Variants in FSTL5 observed in about 807,000 individuals in gnomAD.
FSTL5 encodes the protein follistatin like 5, also known as follistatin-related protein 5.
A neutral mutation model predicts 89.1 loss-of-function variants in FSTL5; 62 were observed. That is an observed-to-expected ratio of 0.70 (90% CI 0.57 to 0.86). The LOEUF is 0.86. Ranked by LOEUF, FSTL5 falls within the 40% of genes least tolerant of loss-of-function variation. The probability of loss-of-function intolerance (pLI) is 0.00; values close to 1 mark genes in which losing one functional copy is unlikely to be tolerated. For synonymous variants in FSTL5, 383 were observed against 346.2 expected, an observed-to-expected ratio of 1.11 and a Z score of -1.18; for missense variants, 1,057 against 1,001.6, an observed-to-expected ratio of 1.06 and a Z score of -0.75.
chr4:161,840,273 T>C (rs992625063), intron 4 of FSTL5, among the ~76,000 whole-genome samples: 8 of 152,046 alleles, frequency 5.3e-5, no homozygotes, highest in African/African-American at 1.7e-4. Flanking sequence ...AGGGTGAAGA[T>C]AAAAGTGGAA....
intron 10 of FSTL5, among the ~76,000 whole-genome samples, chr4:161,524,256 C>T (rs1024902401): frequency 6.6e-6 from 1 of 152,074 alleles, no homozygotes; most frequent in African/African-American, 2.4e-5. Context: ...TGGAAGCCCA[C>T]CCCGCCCACC....
intron 5 of FSTL5, among the ~76,000 whole-genome samples, chr4:161,766,898 TGATAGATCGATTGATAGATAGATAGATA>T (rs1159669874): frequency 3.2e-5 from 4 of 123,390 alleles, no homozygotes; most frequent in African/African-American, 1.4e-4. Flanking sequence ...AGACAATAGA[TGATAGATCGATTGATAGATAGATAGATA>T]GATAGATAGA....
intron 3 of FSTL5, among the ~76,000 whole-genome samples, chr4:161,937,380 A>T (rs912730283): frequency 1.2e-4 from 18 of 152,162 alleles, no homozygotes; most frequent in Admixed American, 2.6e-4. Flanking sequence ...AATTATTAAA[A>T]TATTTCCCAG....
chr4:161,533,168 GAA>G (rs377735914), intron 10 of FSTL5, among the ~76,000 whole-genome samples: 22 of 127,696 alleles, frequency 1.7e-4, no homozygotes, highest in Non-Finnish European at 2.1e-4. Flanking sequence ...TTAGAACTAG[GAA>G]AAAAAAAAAA....
intron 3 of FSTL5, among the ~76,000 whole-genome samples, chr4:162,002,350 T>C (rs1410355984): frequency 6.6e-6 from 1 of 152,180 alleles, no homozygotes; most frequent in Non-Finnish European, 1.5e-5. Flanking sequence ...GGTCTCTGAT[T>C]AACCTTGCTT....
chr4:161,446,429 C>A (rs1047285373), intron 15 of FSTL5, among the ~76,000 whole-genome samples: 1 of 151,940 alleles, frequency 6.6e-6, no homozygotes, highest in Non-Finnish European at 1.5e-5. Context: ...AAGTTATATA[C>A]TCCTGTATTT....
chr4:161,552,710 T>C (rs1479006719), intron 8 of FSTL5: 1 of 151,754 alleles, frequency 6.6e-6, no homozygotes, highest in Non-Finnish European at 1.5e-5. Context: ...AGTTTATTGG[T>C]GTTAAATGAT....
chr4:161,505,532 C>T (rs756782303), intron 11 of FSTL5, among the ~76,000 whole-genome samples: 1 of 152,096 alleles, frequency 6.6e-6, no homozygotes, highest in Non-Finnish European at 1.5e-5. Flanking sequence ...ATACAATCTC[C>T]TTAACTTCCA....
intron 3 of FSTL5, among the ~76,000 whole-genome samples, chr4:161,966,871 T>C (rs1324118501): frequency 6.6e-6 from 1 of 152,036 alleles, no homozygotes; most frequent in African/African-American, 2.4e-5. Context: ...ATGATTCTAC[T>C]TGGGTATATC....
At chr4:161,959,979 T>C (rs1364102234) in intron 3 of FSTL5, among the ~76,000 whole-genome samples, 2 of 152,074 alleles carry the variant, frequency 1.3e-5, no homozygotes, top group Admixed American at 1.3e-4. Context: ...GACCTCAAAC[T>C]AAAATCATGT....
chr4:161,448,692 C>T (rs532262930), intron 15 of FSTL5, among the ~76,000 whole-genome samples: 16 of 152,150 alleles, frequency 1.1e-4, no homozygotes, highest in Non-Finnish European at 1.6e-4. Flanking sequence ...TGTAGTAGAG[C>T]CATAGCCATT....
At chr4:161,576,597 C>T (rs567717665) in intron 8 of FSTL5, among the ~76,000 whole-genome samples, 14 of 152,224 alleles carry the variant, frequency 9.2e-5, no homozygotes, top group African/African-American at 3.4e-4. Flanking sequence ...ATAAATGGTG[C>T]TGGGAAAACT....
At chr4:161,860,133 A>C (rs1044908749) in intron 4 of FSTL5, among the ~76,000 whole-genome samples, 1 of 152,044 alleles carries the variant, frequency 6.6e-6, no homozygotes, top group African/African-American at 2.4e-5. Context: ...CTAAAAATAC[A>C]AAAAATTAGC....
At position 162,014,857 on chromosome 4, in the gene FSTL5, T is replaced by A. The variant is rs576939603; in HGVS notation, c.160+18768A>T. Among the ~76,000 whole-genome samples, 6 of 152,282 alleles carry A rather than the reference T, an allele frequency of 3.9e-5. No homozygotes were observed. In the South Asian group the frequency reaches 1.2e-3, roughly 32 times the overall value. On this transcript the variant is annotated intron_variant, in intron 3 of 15. Coordinates refer to ENST00000306100, the MANE Select transcript of FSTL5 (RefSeq NM_020116.5). ...ACTTTATAAACACGTTAGTAATGGCTTTTCTTAAAAAAAGAAGAAGGAAAG... is the reference window on the plus strand; with the variant it reads ...ACTTTATAAACACGTTAGTAATGGCATTTCTTAAAAAAAGAAGAAGGAAAG...
chr4:161,450,741 ATT>A (rs70937651), intron 15 of FSTL5, among the ~76,000 whole-genome samples: 35 of 131,552 alleles, frequency 2.7e-4, no homozygotes, highest in Middle Eastern at 4.1e-3. Context: ...ATTCATCTTC[ATT>A]TTTTTTTTTT....
intron 2 of FSTL5, among the ~76,000 whole-genome samples, chr4:162,071,459 A>G (rs2111310110): frequency 6.6e-6 from 1 of 151,898 alleles, no homozygotes; most frequent in Non-Finnish European, 1.5e-5. Context: ...TTTCAAATAT[A>G]TATGCACTCA....
intron 7 of FSTL5, among the ~76,000 whole-genome samples, chr4:161,650,060 A>G (rs1366079168): frequency 1.3e-5 from 2 of 152,232 alleles, no homozygotes; most frequent in Admixed American, 1.3e-4. Flanking sequence ...ATAAAATAGT[A>G]AAGTCCTAGA....
intron 7 of FSTL5, among the ~76,000 whole-genome samples, chr4:161,648,242 A>G (rs914518910): frequency 6.6e-6 from 1 of 152,176 alleles, no homozygotes; most frequent in African/African-American, 2.4e-5. Flanking sequence ...AGACTGCAAA[A>G]TAAAAGAGCA....
intron 4 of FSTL5, among the ~76,000 whole-genome samples, chr4:161,823,798 G>T (rs1409424989): frequency 1.3e-5 from 2 of 152,174 alleles, no homozygotes; most frequent in Non-Finnish European, 2.9e-5. Flanking sequence ...CAATATGTTT[G>T]TTGGCCATTT....
Sources: gnomAD v4.1 joint callset for allele counts (sites outside exome capture counted in the v4.1 genomes callset) on GRCh38, gnomAD v4.1.1 for gene constraint, MANE v1.5 for transcripts, NCBI Gene and HGNC (gene_info 2026-07-23, HGNC 2026-07-21) for gene names.